HNRNPA1L2: variants seen among roughly 807,000 people sequenced by gnomAD.
HNRNPA1L2 encodes heterogeneous nuclear ribonucleoprotein A1-like 2.
HNRNPA1L2 carries 10 observed loss-of-function variants against 18.2 expected under a neutral mutation model. That is an observed-to-expected ratio of 0.55 (90% CI 0.34 to 0.93). HNRNPA1L2 has a LOEUF of 0.93. HNRNPA1L2 is among the 40% of genes least tolerant of loss of function. The probability of loss-of-function intolerance (pLI) is 0.02; values close to 1 mark genes in which losing one functional copy is unlikely to be tolerated. For synonymous variants in HNRNPA1L2, 124 were observed against 138.6 expected, an observed-to-expected ratio of 0.89 and a Z score of 0.74; for missense variants, 308 against 394.4, an observed-to-expected ratio of 0.78 and a Z score of 1.85.
At chr13:52,620,899 ATAT>A in the HNRNPA1L2 span, among the ~76,000 whole-genome samples, 1 of 151,960 alleles carries the variant, frequency 6.6e-6, no homozygotes, top group African/African-American at 2.4e-5. Context: ...AATAATTTCT[ATAT>A]ATATTAAAGT....
At chr13:52,638,945 G>A (rs1392762680), upstream of HNRNPA1L2, among the ~76,000 whole-genome samples, 1 of 152,160 alleles carries the variant, frequency 6.6e-6, no homozygotes, top group East Asian at 1.9e-4. Context: ...GGAAAGGAAG[G>A]ACTAATATTT....
chr13:52,628,631 G>T, the HNRNPA1L2 span, among the ~76,000 whole-genome samples: 3 of 151,684 alleles, frequency 2.0e-5, no homozygotes, highest in South Asian at 6.3e-4. Flanking sequence ...TCATTTTCTT[G>T]GAATAATTTT....
At chr13:52,635,575 A>AACAC in the HNRNPA1L2 span, among the ~76,000 whole-genome samples, 2,679 of 143,282 alleles carry the variant, frequency 0.019, 40 homozygotes, top group East Asian at 0.059. Context: ...GTCCTTTTGC[A>AACAC]ACACACACAC....
upstream of HNRNPA1L2, chr13:52,637,465 G>T (rs1961496573): frequency 4.1e-6 from 1 of 243,154 alleles, no homozygotes; most frequent in Non-Finnish European, 8.2e-6. Flanking sequence ...TAATTCCAGG[G>T]GTTATAAAAT....
the HNRNPA1L2 span, among the ~76,000 whole-genome samples, chr13:52,631,244 G>A: frequency 6.6e-6 from 1 of 152,094 alleles, no homozygotes; most frequent in African/African-American, 2.4e-5. Flanking sequence ...TTCTGTGACC[G>A]GGGCACCTTT....
At chr13:52,620,322 A>G in the HNRNPA1L2 span, among the ~76,000 whole-genome samples, 2 of 152,198 alleles carry the variant, frequency 1.3e-5, no homozygotes, top group African/African-American at 4.8e-5. Flanking sequence ...TCTGTGTTTT[A>G]AGTCAGCTGC....
the HNRNPA1L2 span, among the ~76,000 whole-genome samples, chr13:52,636,982 C>A: frequency 3.3e-5 from 5 of 152,276 alleles, no homozygotes; most frequent in Non-Finnish European, 7.4e-5. Context: ...CAGGCACACA[C>A]CACTGTGCCC....
rs771734650 is a variant in HNRNPA1L2 at position 52,642,772 on chromosome 13, G to C, written c.280G>C (p.Asp94His). 7 of 1,597,976 alleles carry C rather than the reference G, an allele frequency of 4.4e-6. No homozygotes were observed. Among genetic ancestry groups the C allele is most frequent in the Non-Finnish European group, 4.2e-6 (5 of 1,179,730 alleles). The change falls in exon 1 of 1, where the codon GAT becomes CAT. Residue 94 changes from aspartate to histidine, a missense_variant. Transcript: ENST00000357495. ...ACCAAAGAGAGCTGTCTCCAGAGAA[G>C]ATTCTCAAAGACCAGGTGCCCACTT... ...VEPKRAVSREDSQRPGAHLTV... is the reference protein window; with the variant it reads ...VEPKRAVSREHSQRPGAHLTV...
At chr13:52,634,192 A>G in the HNRNPA1L2 span, among the ~76,000 whole-genome samples, 2 of 152,328 alleles carry the variant, frequency 1.3e-5, no homozygotes, top group South Asian at 4.1e-4. Flanking sequence ...TGCAAAATGC[A>G]TAGGGACAAT....
the HNRNPA1L2 span, among the ~76,000 whole-genome samples, chr13:52,628,283 C>T: frequency 6.6e-6 from 1 of 151,912 alleles, no homozygotes; most frequent in Non-Finnish European, 1.5e-5. Context: ...TCTTTACAAA[C>T]CATAAAAAAA....
At chr13:52,620,051 A>G in the HNRNPA1L2 span, among the ~76,000 whole-genome samples, 1 of 151,998 alleles carries the variant, frequency 6.6e-6, no homozygotes, top group Non-Finnish European at 1.5e-5. Flanking sequence ...TTCTAATTTT[A>G]AAGTGCCTGA....
At chr13:52,638,951 T>C (rs548290330), upstream of HNRNPA1L2, among the ~76,000 whole-genome samples, 1 of 152,296 alleles carries the variant, frequency 6.6e-6, no homozygotes, top group South Asian at 2.1e-4. Flanking sequence ...GAAGGACTAA[T>C]ATTTTCCACG....
chr13:52,622,740 G>A, the HNRNPA1L2 span, among the ~76,000 whole-genome samples: 21 of 152,144 alleles, frequency 1.4e-4, no homozygotes, highest in African/African-American at 4.8e-4. Context: ...ATAACTATCC[G>A]TGCTTTCAGC....
Position 52,642,649 on chromosome 13 carries a change from C to A in HNRNPA1L2, c.157C>A (p.Arg53Ser), listed in dbSNP as rs368740236. The change falls in exon 1 of 1, where the codon CGC becomes AGC. Residue 53 changes from arginine to serine, a missense_variant. Transcript: ENST00000357495. ...GGTAATGAGAGATCCAAACACCAAG[C>A]GCTCCAGGGGCTTTGGGTTTGTCAC... ...CVVMRDPNTK[R>S]SRGFGFVTYA... 2 of 1,611,442 alleles carry A rather than the reference C, an allele frequency of 1.2e-6. No homozygotes were observed. The highest frequency in any genetic ancestry group is 8.5e-7 in the Non-Finnish European group (1 of 1,179,856).
chr13:52,630,071 G>T, the HNRNPA1L2 span, among the ~76,000 whole-genome samples: 1 of 152,132 alleles, frequency 6.6e-6, no homozygotes, highest in African/African-American at 2.4e-5. Context: ...GCTTAAAATG[G>T]TAGATTATTT....
At chr13:52,628,618 T>A in the HNRNPA1L2 span, among the ~76,000 whole-genome samples, 1 of 152,206 alleles carries the variant, frequency 6.6e-6, no homozygotes, top group Non-Finnish European at 1.5e-5. Flanking sequence ...TTGTACTTTC[T>A]GTTCATTTTC....
the HNRNPA1L2 span, among the ~76,000 whole-genome samples, chr13:52,636,456 A>T: frequency 6.6e-6 from 1 of 152,236 alleles, no homozygotes; most frequent in Admixed American, 6.5e-5. Flanking sequence ...TAAAAAAGTT[A>T]TTGAAACATG....
At chr13:52,630,512 C>T in the HNRNPA1L2 span, among the ~76,000 whole-genome samples, 1 of 152,150 alleles carries the variant, frequency 6.6e-6, no homozygotes, top group African/African-American at 2.4e-5. Context: ...CTCAAGTGAT[C>T]TGCCCACCTC....
chr13:52,622,120 A>C, the HNRNPA1L2 span: 1 of 161,834 alleles, frequency 6.2e-6, no homozygotes, highest in Non-Finnish European at 1.4e-5. Flanking sequence ...AAAACAGAGA[A>C]AAAGACTTGT....
Sources: allele counts gnomAD v4.1 joint callset (sites outside exome capture counted in the v4.1 genomes callset), GRCh38; gene constraint gnomAD v4.1.1; transcripts MANE v1.5; gene names NCBI Gene and HGNC (gene_info 2026-07-23, HGNC 2026-07-21).